The following PAGE2B variants were observed in gnomAD, a reference collection of about 807,000 sequenced individuals.
PAGE2B encodes PAGE family member 2B.
A neutral mutation model predicts 7.6 loss-of-function variants in PAGE2B; 5 were observed. That is an observed-to-expected ratio of 0.66 (90% CI 0.34 to 1.38). PAGE2B has a LOEUF of 1.38. Among genes scored for constraint, PAGE2B ranks in the 40% most tolerant of loss-of-function variants. The probability of loss-of-function intolerance (pLI) is 0.04; values close to 1 mark genes in which losing one functional copy is unlikely to be tolerated. For synonymous variants in PAGE2B, 29 were observed against 26.7 expected, an observed-to-expected ratio of 1.09 and a Z score of -0.27; for missense variants, 70 against 78.4, an observed-to-expected ratio of 0.89 and a Z score of 0.41.
At chrX:55,067,516 G>A in the PAGE2B span, among the ~76,000 whole-genome samples, 1,034 of 111,460 alleles carry the variant, frequency 9.3e-3, 12 homozygotes, top group African/African-American at 0.032. Flanking sequence ...ATAAACATAC[G>A]TGTGCATGTG....
the PAGE2B span, among the ~76,000 whole-genome samples, chrX:55,052,817 G>A: frequency 2.7e-5 from 3 of 112,487 alleles, no homozygotes; most frequent in African/African-American, 6.5e-5. Flanking sequence ...CCCACTGTCC[G>A]ACACTCCCCA....
At chrX:55,030,586 A>G in the PAGE2B span, among the ~76,000 whole-genome samples, 5 of 111,531 alleles carry the variant, frequency 4.5e-5, no homozygotes, top group African/African-American at 1.6e-4. Flanking sequence ...ACGGAGAGAT[A>G]CAAAGCCGAG....
the PAGE2B span, among the ~76,000 whole-genome samples, chrX:55,051,295 G>T: frequency 9.0e-6 from 1 of 110,679 alleles, no homozygotes; most frequent in African/African-American, 3.3e-5. Context: ...TCTTGGAGTT[G>T]CTCTTCTCGA....
At chrX:55,043,985 A>ATAC in the PAGE2B span, among the ~76,000 whole-genome samples, 5 of 107,065 alleles carry the variant, frequency 4.7e-5, no homozygotes, top group Non-Finnish European at 7.7e-5. Flanking sequence ...AATAATAATA[A>ATAC]TAATAATAAT....
At chrX:55,063,053 C>T in the PAGE2B span, among the ~76,000 whole-genome samples, 1 of 110,941 alleles carries the variant, frequency 9.0e-6, no homozygotes, top group East Asian at 2.8e-4. Flanking sequence ...CATGTTTGTT[C>T]TTTTTGCTCA....
At chrX:55,046,078 A>G in the PAGE2B span, among the ~76,000 whole-genome samples, 2 of 111,364 alleles carry the variant, frequency 1.8e-5, no homozygotes, top group Admixed American at 9.6e-5. Context: ...AATAGGTGAT[A>G]TTTGAATTGA....
At chrX:55,028,171 A>AATT in the PAGE2B span, among the ~76,000 whole-genome samples, 4 of 110,983 alleles carry the variant, frequency 3.6e-5, no homozygotes, top group Non-Finnish European at 7.5e-5. Flanking sequence ...GTGAAAGCTA[A>AATT]AGCACTTGGG....
the PAGE2B span, among the ~76,000 whole-genome samples, chrX:55,039,948 A>G: frequency 8.9e-6 from 1 of 112,146 alleles, no homozygotes; most frequent in Non-Finnish European, 1.9e-5. Context: ...TAAAAGCATC[A>G]GGAAAATAAT....
At chrX:55,052,048 G>A in the PAGE2B span, among the ~76,000 whole-genome samples, 1 of 112,263 alleles carries the variant, frequency 8.9e-6, no homozygotes, top group Admixed American at 9.4e-5. Flanking sequence ...TCAGCTGCAG[G>A]TCTTTTGGAG....
the PAGE2B span, chrX:55,030,844 A>C: frequency 4.8e-6 from 1 of 207,211 alleles, no homozygotes; most frequent in Non-Finnish European, 1.0e-5. Flanking sequence ...AACAAAGGAA[A>C]AAGTCAGATC....
At chrX:55,077,797 AG>A (rs1936539886) in intron 4 of PAGE2B, among the ~76,000 whole-genome samples, 2 of 112,638 alleles carry the variant, frequency 1.8e-5, no homozygotes, top group African/African-American at 6.5e-5. Context: ...ATTGGGTCAA[AG>A]CTAATTGGAT....
chrX:55,069,313 T>C, the PAGE2B span, among the ~76,000 whole-genome samples: 2 of 111,873 alleles, frequency 1.8e-5, no homozygotes, highest in African/African-American at 6.5e-5. Flanking sequence ...GTTTTTGTCA[T>C]TGCTTCTGTT....
At chrX:55,058,531 G>A in the PAGE2B span, among the ~76,000 whole-genome samples, 3 of 111,611 alleles carry the variant, frequency 2.7e-5, no homozygotes, top group Non-Finnish European at 5.7e-5. Context: ...AATTCCTTGT[G>A]GATAGCAGGG....
upstream of PAGE2B, among the ~76,000 whole-genome samples, chrX:55,073,345 G>A (rs1297107202): frequency 1.8e-5 from 2 of 110,993 alleles, no homozygotes; most frequent in African/African-American, 6.6e-5. Flanking sequence ...ACGGGTAGGC[G>A]ATGCCCCACC....
At chrX:55,041,772 A>C in the PAGE2B span, among the ~76,000 whole-genome samples, 1 of 111,664 alleles carries the variant, frequency 9.0e-6, no homozygotes, top group Admixed American at 9.5e-5. Flanking sequence ...TCACATCGGC[A>C]GGACATCAGA....
the PAGE2B span, among the ~76,000 whole-genome samples, chrX:55,045,846 T>A: frequency 6.2e-5 from 7 of 112,077 alleles, no homozygotes; most frequent in Non-Finnish European, 1.3e-4. Context: ...CATGTTCCTT[T>A]CAATATACAT....
chrX:55,065,819 A>G, the PAGE2B span, among the ~76,000 whole-genome samples: 12 of 112,441 alleles, frequency 1.1e-4, no homozygotes, highest in Non-Finnish European at 1.3e-4. Flanking sequence ...CCCAACAAAC[A>G]TGTACAAGGA....
the PAGE2B span, among the ~76,000 whole-genome samples, chrX:55,029,515 G>A: frequency 4.5e-5 from 5 of 111,750 alleles, no homozygotes; most frequent in Non-Finnish European, 9.4e-5. Flanking sequence ...TTATGGATCT[G>A]TGATTCAAAT....
At chrX:55,040,129 G>A in the PAGE2B span, among the ~76,000 whole-genome samples, 1 of 107,812 alleles carries the variant, frequency 9.3e-6, no homozygotes, top group East Asian at 2.9e-4. Context: ...GTCTACTTTA[G>A]CTACTTCTCT....
Sources: gnomAD v4.1 joint callset for allele counts (sites outside exome capture counted in the v4.1 genomes callset) on GRCh38, gnomAD v4.1.1 for gene constraint, MANE v1.5 for transcripts, NCBI Gene and HGNC (gene_info 2026-07-23, HGNC 2026-07-21) for gene names.